Variants in MAST2 observed in about 807,000 individuals in gnomAD.
MAST2 encodes the protein microtubule-associated serine/threonine-protein kinase 2.
MAST2 carries 70 observed loss-of-function variants against 147.4 expected under a neutral mutation model. That is an observed-to-expected ratio of 0.47 (90% CI 0.39 to 0.58). The LOEUF (loss-of-function observed/expected upper bound fraction) is 0.58, where lower values mean the gene tolerates loss of function less well. MAST2 is among the 20% of genes least tolerant of loss of function. The pLI is 0.00. For missense variants in MAST2, 2,080 were observed against 2,302.3 expected, an observed-to-expected ratio of 0.90 and a Z score of 1.98; for synonymous variants, 869 against 896.8, an observed-to-expected ratio of 0.97 and a Z score of 0.55.
At chr1:45,959,967 C>G (rs1056752780) in intron 5 of MAST2, among the ~76,000 whole-genome samples, 1 of 152,134 alleles carries the variant, frequency 6.6e-6, no homozygotes, top group Non-Finnish European at 1.5e-5. Flanking sequence ...AACGAGGTCT[C>G]TCTATGTTGC....
At chr1:45,824,336 TA>T in intron 1 of MAST2, 96 bp from the exon 2 acceptor site, 2 of 904,216 alleles carry the variant, frequency 2.2e-6, no homozygotes, top group Non-Finnish European at 3.1e-6. Context: ...TTGGCACTTT[TA>T]AATTGTAGTG....
intron 3 of MAST2, among the ~76,000 whole-genome samples, chr1:45,840,804 C>CA (rs1645250393): frequency 1.3e-5 from 2 of 152,198 alleles, no homozygotes; most frequent in African/African-American, 4.8e-5. Context: ...ATTGCCAAAG[C>CA]ATGTTCAAAT....
chr1:45,955,739 G>A (rs1281660544), intron 4 of MAST2, among the ~76,000 whole-genome samples: 6 of 152,134 alleles, frequency 3.9e-5, no homozygotes, highest in East Asian at 1.9e-4. Flanking sequence ...CGAGGAGGCC[G>A]GTGTGGCTGG....
chr1:45,829,388 T>C (rs1219977463), intron 2 of MAST2, 51 bp from the exon 3 acceptor site: 8 of 1,517,114 alleles, frequency 5.3e-6, no homozygotes, highest in Non-Finnish European at 7.2e-6. Context: ...TTTTTTCATT[T>C]GTTTATCAAT....
At chr1:45,978,603 A>G (rs1359097814) in intron 5 of MAST2, among the ~76,000 whole-genome samples, 1 of 152,250 alleles carries the variant, frequency 6.6e-6, no homozygotes, top group African/African-American at 2.4e-5. Context: ...AACCAAGTAT[A>G]GATGAGTATG....
chr1:45,882,157 A>T (rs890272685), intron 3 of MAST2, among the ~76,000 whole-genome samples: 1 of 150,460 alleles, frequency 6.6e-6, no homozygotes, highest in South Asian at 2.1e-4. Context: ...GCGCCACTGC[A>T]CTCCAGCCTG....
intron 5 of MAST2, among the ~76,000 whole-genome samples, chr1:45,967,615 A>C (rs543046483): frequency 2.6e-5 from 4 of 152,286 alleles, no homozygotes; most frequent in African/African-American, 9.6e-5. Context: ...TCATCTTCAC[A>C]TTGAGTAGGC....
chr1:45,887,631 C>G (rs1396517018), intron 4 of MAST2, among the ~76,000 whole-genome samples: 4 of 152,160 alleles, frequency 2.6e-5, no homozygotes, highest in African/African-American at 9.7e-5. Context: ...TGTACTTTCC[C>G]ATTCTGATGC....
intron 15 of MAST2, chr1:46,024,318 G>T (rs2149301824): frequency 6.6e-6 from 2 of 304,334 alleles, no homozygotes; most frequent in East Asian, 1.4e-4. Context: ...GTGCTAGGAG[G>T]TTTGCATCTG....
At chr1:45,978,859 G>C (rs140942423) in intron 5 of MAST2, among the ~76,000 whole-genome samples, 2 of 152,128 alleles carry the variant, frequency 1.3e-5, no homozygotes, top group Admixed American at 1.3e-4. Context: ...GCTAACACTC[G>C]AGTAGAGGGA....
rs753126429 is a variant in MAST2 at position 46,030,734 on chromosome 1, G to A, written c.2681G>A (p.Arg894Gln). 54 of 1,590,302 alleles carry A rather than the reference G, an allele frequency of 3.4e-5. No homozygotes were observed. The highest frequency in any genetic ancestry group is 1.3e-4 in the Admixed American group (7 of 52,680). ...CTGGCAGGGCTCAAAGGCCGAGACC[G>A]GAGCTGGGTGATTGGCTCCCCTGAG... ...DGLAGLKGRD[R>Q]SWVIGSPEIL... is the part of the protein sequence containing the mutation. The change falls in exon 22 of 29, where the codon CGG becomes CAG. Residue 894 changes from arginine (R) to glutamine (Q), a missense_variant. By Grantham distance (43) the Arg-to-Gln change is conservative (BLOSUM62 1). Coordinates refer to ENST00000361297, the MANE Select transcript of MAST2 (RefSeq NM_015112.3).
intron 3 of MAST2, among the ~76,000 whole-genome samples, chr1:45,843,327 A>G (rs957044440): frequency 4.6e-5 from 7 of 152,218 alleles, no homozygotes; most frequent in African/African-American, 1.7e-4. Context: ...TTTTGGTTTC[A>G]TATCTAAGAA....
In MAST2 at chr1:46,031,493, C is replaced by A; in HGVS notation, c.3095C>A (p.Ser1032Tyr). 1 of 1,614,186 alleles carries A rather than the reference C, an allele frequency of 6.2e-7. No homozygotes were observed. Among genetic ancestry groups the A allele is most frequent in the Non-Finnish European group, 8.5e-7 (1 of 1,180,030 alleles). The stretch of plus-strand genomic sequence containing the variant: ...CGTAGGGCCCGCCACCGGCTGCTCT[C>A]TGGGGACTCAACAGAGAAGCGCACT... Reference protein sequence around the residue: ...AVRRARHRLLSGDSTEKRTAR... With the variant: ...AVRRARHRLLYGDSTEKRTAR... Residue 1032 changes from serine (S) to tyrosine (Y), a missense_variant, in exon 24 of 29, where the codon TCT (serine) becomes TAT (tyrosine). By Grantham distance (144) the Ser-to-Tyr change is moderately radical (BLOSUM62 -2). Transcript: ENST00000361297. The surrounding 1 kb of genome is among the most constrained non-coding windows in gnomAD (Gnocchi z 4.1).
intron 20 of MAST2, 69 bp downstream of exon 20, chr1:46,030,022 G>A (rs758758127): frequency 1.9e-5 from 30 of 1,607,898 alleles, no homozygotes; most frequent in Non-Finnish European, 2.5e-5. Flanking sequence ...TGTGCACACT[G>A]AAATTGCATT....
intron 4 of MAST2, among the ~76,000 whole-genome samples, chr1:45,890,732 C>A (rs900865042): frequency 1.3e-5 from 2 of 152,176 alleles, no homozygotes; most frequent in East Asian, 3.8e-4. Context: ...CCATGTTGTG[C>A]GGTACAATAT....
intron 4 of MAST2, among the ~76,000 whole-genome samples, chr1:45,905,326 A>G (rs1557888764): frequency 6.6e-6 from 1 of 152,072 alleles, no homozygotes; most frequent in Non-Finnish European, 1.5e-5. Flanking sequence ...CTGGGAGTAC[A>G]GGCATGCGCC....
At chr1:45,874,713 G>A (rs930883006) in intron 3 of MAST2, among the ~76,000 whole-genome samples, 1 of 152,162 alleles carries the variant, frequency 6.6e-6, no homozygotes, top group African/African-American at 2.4e-5. Context: ...TGGGTGCCAG[G>A]AATGTCCTTG....
At position 45,888,663 on chromosome 1, in the gene MAST2, CTTTTTTTTTTTTTTTTTTTT is replaced by C. The variant is rs71587722; in HGVS notation, c.500+6285_500+6304del. Among the ~76,000 whole-genome samples the C allele has an allele frequency of 1.0e-3, 49 of 48,726 alleles. 1 individual carries two copies. Among genetic ancestry groups the C allele is most frequent in the East Asian group, 2.9e-3 (5 of 1,708 alleles). 32.0% of individuals were successfully genotyped at this position (48,726 alleles called of 152,430 possible). A position where few individuals can be genotyped will look rare whatever the true frequency, so the allele number is the denominator to read the frequency against. ...AGGCGTGAGCCACCGCGCGCGGCCTCTTTTTTTTTTTTTTTTTTTTTTTTTTTTTTTTTTTTGAGATGGAG... is the reference window on the plus strand; with the variant it reads ...AGGCGTGAGCCACCGCGCGCGGCCTCTTTTTTTTTTTTTTTTGAGATGGAG... On this transcript the variant is annotated intron_variant, in intron 4 of 28. Coordinates refer to ENST00000361297, the MANE Select transcript of MAST2 (RefSeq NM_015112.3).
At chr1:45,844,056 C>G (rs1346100102) in intron 3 of MAST2, among the ~76,000 whole-genome samples, 1 of 151,974 alleles carries the variant, frequency 6.6e-6, no homozygotes, top group South Asian at 2.1e-4. Flanking sequence ...AAATTTTTTT[C>G]TTATCTTGAA....
Sources: gnomAD v4.1 joint callset for allele counts (sites outside exome capture counted in the v4.1 genomes callset) on GRCh38, gnomAD v4.1.1 for gene constraint, Gnocchi (gnomAD v3.1) non-coding constraint, MANE v1.5 for transcripts, NCBI Gene and HGNC (gene_info 2026-07-23, HGNC 2026-07-21) for gene names.